PARD3: variants seen among roughly 807,000 people sequenced by gnomAD.
PARD3 encodes the protein partitioning defective 3 homolog.
In PARD3, 75 loss-of-function variants were observed where a neutral mutation model predicts 155.4. The ratio of observed to expected loss-of-function variants is 0.48; its 90% CI spans 0.40 to 0.58. The LOEUF (loss-of-function observed/expected upper bound fraction) is 0.58, where lower values mean the gene tolerates loss of function less well. PARD3 is among the 20% of genes least tolerant of loss of function. PARD3 has a pLI of 0.00. For synonymous variants in PARD3, 576 were observed against 610.5 expected (o/e 0.94, Z 0.83); for missense variants, 1,642 against 1,721.7 (o/e 0.95, Z 0.82).
chr10:34,440,329 C>G (rs2076399976), intron 5 of PARD3, among the ~76,000 whole-genome samples: 1 of 151,998 alleles, frequency 6.6e-6, no homozygotes, highest in Admixed American at 6.6e-5. Context: ...AAATAAAGAA[C>G]AAAATTTCAA....
intron 2 of PARD3, among the ~76,000 whole-genome samples, chr10:34,693,590 A>C (rs1340032115): frequency 1.3e-5 from 2 of 152,200 alleles, no homozygotes; most frequent in Non-Finnish European, 2.9e-5. Context: ...AGGATCAAAA[A>C]ATTAGCCTAT....
chr10:34,344,463 C>T (rs2134338201), intron 15 of PARD3: 4 of 570,206 alleles, frequency 7.0e-6, no homozygotes, highest in South Asian at 7.6e-5. Flanking sequence ...TTGTATTTTT[C>T]GTAGAGACAG....
intron 2 of PARD3, among the ~76,000 whole-genome samples, chr10:34,531,769 G>GATGC (rs2082874160): frequency 6.6e-6 from 1 of 152,078 alleles, no homozygotes; most frequent in African/African-American, 2.4e-5. Flanking sequence ...TTTTTTGGGA[G>GATGC]CATTTCCAGC....
intron 5 of PARD3, among the ~76,000 whole-genome samples, chr10:34,442,262 C>A (rs1420525020): frequency 6.6e-6 from 1 of 152,216 alleles, no homozygotes; most frequent in East Asian, 1.9e-4. Flanking sequence ...TACTATCTGG[C>A]AGCATCAGAA....
chr10:34,559,050 A>G (rs7068275), intron 2 of PARD3, among the ~76,000 whole-genome samples: 17 of 151,262 alleles, frequency 1.1e-4, no homozygotes, highest in Middle Eastern at 3.4e-3. Flanking sequence ...TTTCCCCCCC[A>G]CAGAATTAGC....
intron 1 of PARD3, among the ~76,000 whole-genome samples, chr10:34,767,171 T>A (rs1838205739): frequency 6.6e-6 from 1 of 152,178 alleles, no homozygotes; most frequent in Admixed American, 6.5e-5. Flanking sequence ...GGATTCAGCA[T>A]GAACTAGAAA....
intron 22 of PARD3, among the ~76,000 whole-genome samples, chr10:34,174,595 A>G (rs935092693): frequency 3.9e-5 from 6 of 152,198 alleles, no homozygotes; most frequent in Non-Finnish European, 7.3e-5. Flanking sequence ...GGACAGTATC[A>G]GGCAAAAATT....
chr10:34,531,770 C>T (rs1291993856), intron 2 of PARD3, among the ~76,000 whole-genome samples: 1 of 152,112 alleles, frequency 6.6e-6, no homozygotes. Context: ...TTTTTGGGAG[C>T]ATTTCCAGCA....
In PARD3 at chr10:34,119,605, C is replaced by T; in HGVS notation, c.3668+8G>A. On this transcript the variant is annotated splice_region_variant and intron_variant, in intron 24 of 24. Coordinates refer to ENST00000374788, the MANE Select transcript of PARD3 (RefSeq NM_001184785.2). ...GGGATCTGGAGGCTCGGCCAAGCGT[C>T]CTCATACCGAGGCAGAGAGCTGTAC... 2.5e-6 allele frequency: 4 copies of T among 1,595,448 alleles called. No homozygotes were observed. The highest frequency in any genetic ancestry group is 3.4e-6 in the Non-Finnish European group (4 of 1,167,474).
chr10:34,805,148 G>C (rs1588843321), intron 1 of PARD3, among the ~76,000 whole-genome samples: 1 of 152,176 alleles, frequency 6.6e-6, no homozygotes, highest in East Asian at 1.9e-4. Flanking sequence ...ATGAGGTCAG[G>C]AGTTCAAGAC....
intron 2 of PARD3, among the ~76,000 whole-genome samples, chr10:34,541,676 C>T (rs544085168): frequency 6.6e-6 from 1 of 152,230 alleles, no homozygotes; most frequent in South Asian, 2.1e-4. Flanking sequence ...TTTTAAGTGT[C>T]CACAAATGCA....
At chr10:34,636,027 AAAG>A (rs780203352) in intron 2 of PARD3, among the ~76,000 whole-genome samples, 396 of 152,178 alleles carry the variant, frequency 2.6e-3, no homozygotes, top group Non-Finnish European at 3.6e-3. Flanking sequence ...ATTAAAAAAA[AAAG>A]AAGAAGAAGA....
At chr10:34,509,080 A>C (rs1400818672) in intron 3 of PARD3, among the ~76,000 whole-genome samples, 1 of 152,214 alleles carries the variant, frequency 6.6e-6, no homozygotes, top group Non-Finnish European at 1.5e-5. Context: ...ACAAAGGAGT[A>C]TCTGCATAAC....
At chr10:34,671,664 T>C (rs763572822) in intron 2 of PARD3, among the ~76,000 whole-genome samples, 24 of 152,116 alleles carry the variant, frequency 1.6e-4, no homozygotes, top group Non-Finnish European at 3.1e-4. Context: ...AGGGGTAAAA[T>C]GCTTGCCAAA....
intron 9 of PARD3, among the ~76,000 whole-genome samples, chr10:34,378,717 C>T (rs986381433): frequency 6.6e-6 from 1 of 152,172 alleles, no homozygotes; most frequent in South Asian, 2.1e-4. Context: ...ATTTCCTTCA[C>T]CACCCCCCAC....
chr10:34,784,607 T>G (rs542170754), intron 1 of PARD3, among the ~76,000 whole-genome samples: 2 of 152,308 alleles, frequency 1.3e-5, no homozygotes, highest in East Asian at 3.9e-4. Context: ...AGGCTAATTC[T>G]TGTAATTTTA....
intron 12 of PARD3, among the ~76,000 whole-genome samples, chr10:34,370,303 C>G (rs16935343): frequency 6.6e-6 from 1 of 152,154 alleles, no homozygotes; most frequent in Admixed American, 6.5e-5. Flanking sequence ...CATAAACACA[C>G]AGGTTGTGAA....
chr10:34,370,877 G>C (rs552951890), intron 12 of PARD3, among the ~76,000 whole-genome samples: 1 of 142,760 alleles, frequency 7.0e-6, no homozygotes, highest in Non-Finnish European at 1.5e-5. Flanking sequence ...TTGTTTTATA[G>C]ATCTTTTCCA....
chr10:34,633,541 G>C (rs754085827), intron 2 of PARD3, among the ~76,000 whole-genome samples: 1 of 152,134 alleles, frequency 6.6e-6, no homozygotes, highest in Non-Finnish European at 1.5e-5. Context: ...TTTTATGACT[G>C]ACTAGTACTG....
Sources: gnomAD v4.1 joint callset for allele counts (sites outside exome capture counted in the v4.1 genomes callset) on GRCh38, gnomAD v4.1.1 for gene constraint, MANE v1.5 for transcripts, NCBI Gene and HGNC (gene_info 2026-07-23, HGNC 2026-07-21) for gene names.